The following ELMO1 variants were observed in gnomAD, a reference collection of about 807,000 sequenced individuals.
ELMO1 encodes engulfment and cell motility 1, also known as engulfment and cell motility protein 1.
In ELMO1, 26 loss-of-function variants were observed where a neutral mutation model predicts 98.9. The ratio of observed to expected loss-of-function variants is 0.26; its 90% CI spans 0.19 to 0.36. The LOEUF (loss-of-function observed/expected upper bound fraction) is 0.36. Among genes scored for constraint, ELMO1 ranks in the 10% least tolerant of loss-of-function variants. The pLI is 1.00. For synonymous variants in ELMO1, 346 were observed against 346.0 expected, an observed-to-expected ratio of 1.00 and a Z score of 0.00; for missense variants, 627 against 935.2, an observed-to-expected ratio of 0.67 and a Z score of 4.30.
At chr7:36,917,731 C>T (rs1370191964) in intron 16 of ELMO1, among the ~76,000 whole-genome samples, 1 of 152,172 alleles carries the variant, frequency 6.6e-6, no homozygotes, top group Admixed American at 6.5e-5. Flanking sequence ...CCCCAGGATC[C>T]AACTCCTGGA....
At chr7:37,280,628 G>A (rs976155615) in intron 4 of ELMO1, among the ~76,000 whole-genome samples, 8 of 152,082 alleles carry the variant, frequency 5.3e-5, no homozygotes, top group African/African-American at 1.7e-4. Flanking sequence ...TCAGGGAAAT[G>A]CAAATCAAAA....
At chr7:37,203,452 T>C (rs1349685011) in intron 13 of ELMO1, among the ~76,000 whole-genome samples, 2 of 152,202 alleles carry the variant, frequency 1.3e-5, no homozygotes, top group African/African-American at 4.8e-5. Flanking sequence ...ATATCCTAGC[T>C]TCAGGAATAG....
chr7:37,222,152 T>C (rs901367032), intron 10 of ELMO1, among the ~76,000 whole-genome samples: 9 of 152,326 alleles, frequency 5.9e-5, no homozygotes, highest in African/African-American at 1.7e-4. Context: ...TCCTGTCCTC[T>C]TACCTTCCAT....
chr7:37,252,988 A>G (rs1195744759), intron 6 of ELMO1, among the ~76,000 whole-genome samples: 1 of 152,214 alleles, frequency 6.6e-6, no homozygotes, highest in Non-Finnish European at 1.5e-5. Context: ...GCTCATCATC[A>G]CTGGTCATTA....
chr7:37,218,146 T>C (rs889325483), intron 10 of ELMO1, among the ~76,000 whole-genome samples: 1 of 152,214 alleles, frequency 6.6e-6, no homozygotes, highest in Non-Finnish European at 1.5e-5. Context: ...CAAAGGATCC[T>C]ATAGCTGTTT....
intron 16 of ELMO1, among the ~76,000 whole-genome samples, chr7:36,988,812 C>T (rs1791679498): frequency 6.6e-6 from 1 of 152,180 alleles, no homozygotes; most frequent in Non-Finnish European, 1.5e-5. Flanking sequence ...TAAGACCAGA[C>T]CAGCAGATGC....
chr7:37,444,606 G>A (rs983620167), intron 1 of ELMO1, among the ~76,000 whole-genome samples: 3 of 151,978 alleles, frequency 2.0e-5, no homozygotes, highest in East Asian at 1.9e-4. Flanking sequence ...TCTGCCTCCC[G>A]GGTTCACTCA....
intron 2 of ELMO1, among the ~76,000 whole-genome samples, chr7:37,321,884 G>A (rs1243465766): frequency 1.5e-5 from 2 of 137,664 alleles, no homozygotes; most frequent in Non-Finnish European, 3.1e-5. Flanking sequence ...TGTAAACGGA[G>A]TCTCCCGTTG....
chr7:37,433,129 C>T (rs552117986), intron 1 of ELMO1, among the ~76,000 whole-genome samples: 2 of 152,248 alleles, frequency 1.3e-5, no homozygotes, highest in African/African-American at 4.8e-5. Context: ...TTGAGGACAG[C>T]GAGAGTTACA....
chr7:36,952,052 G>T (rs1788005904), intron 16 of ELMO1, among the ~76,000 whole-genome samples: 1 of 152,192 alleles, frequency 6.6e-6, no homozygotes, highest in South Asian at 2.1e-4. Flanking sequence ...GGATGGTCTG[G>T]GCACCAGCAG....
At chr7:37,321,731 A>AC (rs1226380520) in intron 2 of ELMO1, among the ~76,000 whole-genome samples, 2 of 150,348 alleles carry the variant, frequency 1.3e-5, no homozygotes, top group East Asian at 2.0e-4. Context: ...AAAAAAAAAA[A>AC]AAAAAAACAC....
chr7:37,182,467 T>C (rs1315077905), intron 13 of ELMO1, among the ~76,000 whole-genome samples: 3 of 137,140 alleles, frequency 2.2e-5, no homozygotes, highest in Admixed American at 7.3e-5. Flanking sequence ...CTCTACTTTT[T>C]TTTTTTTTTT....
intron 13 of ELMO1, among the ~76,000 whole-genome samples, chr7:37,138,195 AAAT>A (rs1269385323): frequency 6.6e-6 from 1 of 152,148 alleles, no homozygotes; most frequent in Non-Finnish European, 1.5e-5. Context: ...AGAAGAAAAG[AAAT>A]AATGAAGATC....
chr7:37,221,982 GC>G (rs1380240965), intron 10 of ELMO1, among the ~76,000 whole-genome samples: 4 of 152,178 alleles, frequency 2.6e-5, no homozygotes, highest in Non-Finnish European at 4.4e-5. Context: ...ACAGGTGTGA[GC>G]CACCGCACCC....
At chr7:37,222,302 C>A (rs1461859710) in intron 10 of ELMO1, among the ~76,000 whole-genome samples, 4 of 152,208 alleles carry the variant, frequency 2.6e-5, no homozygotes, top group Non-Finnish European at 5.9e-5. Context: ...CTGCTTCCAC[C>A]ACAGCAGCGT....
At chr7:37,363,948 C>T (rs1300130989) in intron 1 of ELMO1, among the ~76,000 whole-genome samples, 1 of 152,104 alleles carries the variant, frequency 6.6e-6, no homozygotes, top group Non-Finnish European at 1.5e-5. Flanking sequence ...GGACTCTAAC[C>T]CCCCACAGGC....
chr7:36,929,066 G>A (rs1194604834), intron 16 of ELMO1, among the ~76,000 whole-genome samples: 3 of 152,216 alleles, frequency 2.0e-5, no homozygotes, highest in Non-Finnish European at 4.4e-5. Context: ...GAGGTTAAGA[G>A]TTTTACTCGG....
intron 6 of ELMO1, among the ~76,000 whole-genome samples, chr7:37,256,542 AGAAGGAAGAAAG>A (rs1423747286): frequency 2.7e-5 from 3 of 112,650 alleles, no homozygotes; most frequent in Admixed American, 1.9e-4. Context: ...AAGGAAGGAA[AGAAGGAAGAAAG>A]GAAGGAAGGA....
chr7:37,311,018 T>G (rs1447027196), intron 4 of ELMO1, among the ~76,000 whole-genome samples: 2 of 150,016 alleles, frequency 1.3e-5, no homozygotes, highest in East Asian at 3.8e-4. Context: ...TCTCTCTCTC[T>G]CCTGGACATC....
Sources: gnomAD v4.1 joint callset for allele counts (sites outside exome capture counted in the v4.1 genomes callset) on GRCh38, gnomAD v4.1.1 for gene constraint, MANE v1.5 for transcripts, NCBI Gene and HGNC (gene_info 2026-07-23, HGNC 2026-07-21) for gene names.